The following HS3ST6 variants were observed in gnomAD, a reference collection of about 807,000 sequenced individuals.
The protein encoded by HS3ST6 is heparan sulfate-glucosamine 3-sulfotransferase 6.
Under a neutral mutation model 11.0 loss-of-function variants are expected in HS3ST6, and 13 were observed. The observed-to-expected ratio is 1.18, with a 90% CI of 0.77 to 1.88. The LOEUF (loss-of-function observed/expected upper bound fraction) is 1.88. Ranked by LOEUF, HS3ST6 falls within the 40% of genes most tolerant of loss-of-function variation. HS3ST6 has a pLI of 0.00. For missense variants in HS3ST6, 541 were observed against 494.4 expected, an observed-to-expected ratio of 1.09 and a Z score of -0.89; for synonymous variants, 232 against 230.6, an observed-to-expected ratio of 1.01 and a Z score of -0.06.
In HS3ST6 at chr16:1,912,222, AG is replaced by A. The variant is rs1433744371; in HGVS notation, c.414-18del. ...ATCAGACTCCTGCGGGACGGGTGCA[AG>A]GAGAGGGGGCCTGAGCCTCCCCAGC... On this transcript the variant is annotated intron_variant, in intron 1 of 1. Coordinates refer to ENST00000454677, the MANE Select transcript of HS3ST6 (RefSeq NM_001009606.4). This position sits in a 1 kb window ranked among gnomAD's most constrained non-coding sequence, Gnocchi z 5.6. The A allele has an allele frequency of 1.4e-6, 2 of 1,388,828 alleles. No homozygotes were observed. The highest frequency in any genetic ancestry group is 1.9e-6 in the Non-Finnish European group (2 of 1,070,322). The allele number at this position is 1,388,828 out of a possible 1,614,324, so 86.0% of individuals were successfully genotyped here.
rs1328050359 is a variant in HS3ST6, at chr16:1,912,213, AC to A, written c.414-9del. The A allele has an allele frequency of 1.4e-6, 2 of 1,405,846 alleles. No homozygotes were observed. The highest frequency in any genetic ancestry group is 1.9e-6 in the Non-Finnish European group (2 of 1,078,826). The allele number at this position is 1,405,846 out of a possible 1,614,324, so 87.1% of individuals were successfully genotyped here. On this transcript the variant is annotated splice_polypyrimidine_tract_variant and intron_variant, in intron 1 of 1. Coordinates refer to ENST00000454677, the MANE Select transcript of HS3ST6 (RefSeq NM_001009606.4). The surrounding 1 kb of genome is among the most constrained non-coding windows in gnomAD (Gnocchi z 5.6). ...GTTCGGGGCATCAGACTCCTGCGGG[AC>A]GGGTGCAAGGAGAGGGGGCCTGAGC...
rs565096321 is a variant in HS3ST6, at chr16:1,912,794, T to C, written c.414-589A>G. Among the ~76,000 whole-genome samples, 32 of 152,158 alleles carry C rather than the reference T, an allele frequency of 2.1e-4. No individual in the cohort carries two copies. The highest frequency in any genetic ancestry group is 7.2e-4 in the African/African-American group (30 of 41,498). On this transcript the variant is annotated intron_variant, in intron 1 of 1. Coordinates refer to ENST00000454677, the MANE Select transcript of HS3ST6 (RefSeq NM_001009606.4). This position sits in a 1 kb window ranked among gnomAD's most constrained non-coding sequence, Gnocchi z 5.6. ...CCTGATGTAATTACATCTCTTCCCA[T>C]CTTTATTTATTTTTTGAGACGGAGT...
chr16:1,917,795 T>A (rs557919133), intron 1 of HS3ST6, 116 bp downstream of exon 1: 211 of 766,048 alleles, frequency 2.8e-4, no homozygotes, highest in Middle Eastern at 1.4e-3. Context: ...CCAACCCCAC[T>A]GCCCGGAGCG....
chr16:1,911,492 T>C lies in HS3ST6; in HGVS notation c.*98A>G. The C allele has an allele frequency of 1.5e-6, 2 of 1,368,258 alleles. No individual in the cohort carries two copies. Among genetic ancestry groups the C allele is most frequent in the Non-Finnish European group, 1.9e-6 (2 of 1,038,006 alleles). The allele number at this position is 1,368,258 out of a possible 1,614,324, so 84.8% of individuals were successfully genotyped here. A position where few individuals can be genotyped will look rare whatever the true frequency, so the allele number is the denominator to read the frequency against. ...TGGAAAAATCTGGGTCCAAGCTTTA[T>C]TTCTTAAATATTCCTCTCTGCCCAG... On this transcript the variant is annotated 3_prime_UTR_variant, in exon 2 of 2. Coordinates refer to ENST00000454677, the MANE Select transcript of HS3ST6 (RefSeq NM_001009606.4).
Position 1,911,533 on chromosome 16 carries a change from C to G in HS3ST6, c.*57G>C. The G allele has an allele frequency of 1.4e-6, 2 of 1,480,714 alleles. No individual in the cohort carries two copies. The highest frequency in any genetic ancestry group is 1.8e-6 in the Non-Finnish European group (2 of 1,115,346). 91.7% of individuals were successfully genotyped at this position (1,480,714 alleles called of 1,614,324 possible). A position where few individuals can be genotyped will look rare whatever the true frequency, so the allele number is the denominator to read the frequency against. The stretch of plus-strand genomic sequence containing the variant: ...CTCTGCCCAGCATGTGCACGCAGCC[C>G]GCTCTGGCCAGGCGAGCGGGTGTCA... On this transcript the variant is annotated 3_prime_UTR_variant, in exon 2 of 2. Transcript: ENST00000454677.
At chr16:1,919,837 C>A (rs994603853), upstream of HS3ST6, among the ~76,000 whole-genome samples, 1 of 152,260 alleles carries the variant, frequency 6.6e-6, no homozygotes, top group South Asian at 2.1e-4. Context: ...TCTGGGCAAG[C>A]CTCTGCAGGA....
At chr16:1,920,309 C>T (rs1014091396), upstream of HS3ST6, among the ~76,000 whole-genome samples, 4 of 127,260 alleles carry the variant, frequency 3.1e-5, no homozygotes, top group East Asian at 5.0e-4. Flanking sequence ...GCCATCCCCA[C>T]GGTCTCAGGA....
upstream of HS3ST6, among the ~76,000 whole-genome samples, chr16:1,920,229 C>T (rs1336466368): frequency 4.9e-5 from 4 of 80,818 alleles, no homozygotes; most frequent in Non-Finnish European, 1.0e-4. Context: ...CGGTCTCAGC[C>T]ATCCCCACGG....
chr16:1,916,397 C>T (rs2082927328), intron 1 of HS3ST6, among the ~76,000 whole-genome samples: 1 of 152,020 alleles, frequency 6.6e-6, no homozygotes, highest in African/African-American at 2.4e-5. Context: ...TACCCCCCTC[C>T]AACCCTGGGC....
At chr16:1,916,132 C>A (rs2150845619) in intron 1 of HS3ST6, among the ~76,000 whole-genome samples, 1 of 57,874 alleles carries the variant, frequency 1.7e-5, no homozygotes, top group Middle Eastern at 5.4e-3. Flanking sequence ...GGCACAGGCA[C>A]CTAGGAGCAC....
Position 1,912,222 on chromosome 16 carries a change from A to G in HS3ST6, c.414-17T>C, listed in dbSNP as rs780866239. On this transcript the variant is annotated splice_polypyrimidine_tract_variant and intron_variant, in intron 1 of 1. Coordinates refer to ENST00000454677, the MANE Select transcript of HS3ST6 (RefSeq NM_001009606.4). The surrounding 1 kb of genome is among the most constrained non-coding windows in gnomAD (Gnocchi z 5.6). ...ATCAGACTCCTGCGGGACGGGTGCA[A>G]GGAGAGGGGGCCTGAGCCTCCCCAG... The G allele has an allele frequency of 5.7e-5, 79 of 1,388,946 alleles. No homozygotes were observed. The highest frequency in any genetic ancestry group is 1.8e-4 in the Admixed American group (6 of 33,666). 86.0% of individuals were successfully genotyped at this position (1,388,946 alleles called of 1,614,324 possible).
rs1053047801 is a variant in HS3ST6, at chr16:1,918,181, G to A, written c.143C>T (p.Pro48Leu). The A allele has an allele frequency of 6.2e-5, 68 of 1,092,914 alleles. No individual in the cohort carries two copies. The highest frequency in any genetic ancestry group is 6.7e-5 in the African/African-American group (4 of 59,444). The allele number at this position is 1,092,914 out of a possible 1,614,324, so 67.7% of individuals were successfully genotyped here. A position where few individuals can be genotyped will look rare whatever the true frequency, so the allele number is the denominator to read the frequency against. ...VLGAYCLCALPGRCPPAARAP... is the reference protein window; with the variant it reads ...VLGAYCLCALLGRCPPAARAP... ...GCGGGCGGCCGGCGGGCAGCGGCCG[G>A]GGAGGGCGCAGAGGCAGTAGGCGCC... Residue 48 changes from proline to leucine, a missense_variant, in exon 1 of 2, where the codon CCC becomes CTC. Physicochemically the swap from Pro to Leu is moderately conservative, Grantham distance 98 (BLOSUM62 -3). Transcript: ENST00000454677. The surrounding 1 kb of genome is among the most constrained non-coding windows in gnomAD (Gnocchi z 6.0).
At position 1,918,129 on chromosome 16, in the gene HS3ST6, GGAGGGCGCGGGGGCCGGCGC is replaced by G. The variant is rs1567300040; in HGVS notation, c.175_194del (p.Ala59ArgfsTer57). The G allele has an allele frequency of 8.2e-7, 1 of 1,221,370 alleles. No individual in the cohort carries two copies. The highest frequency in any genetic ancestry group is 1.0e-6 in the Non-Finnish European group (1 of 982,010). The allele number at this position is 1,221,370 out of a possible 1,614,324, so 75.7% of individuals were successfully genotyped here. A position where few individuals can be genotyped will look rare whatever the true frequency, so the allele number is the denominator to read the frequency against. The stretch of plus-strand genomic sequence containing the variant: ...GGCGGTGGACGGAGCTGGACGGCTC[GGAGGGCGCGGGGGCCGGCGC>G]GGGGGCGCGGGCGGCCGGCGGGCAG... On this transcript the variant is annotated frameshift_variant, in exon 1 of 2. Coordinates refer to ENST00000454677, the MANE Select transcript of HS3ST6 (RefSeq NM_001009606.4). LOFTEE classifies it high-confidence loss of function. This position sits in a 1 kb window ranked among gnomAD's most constrained non-coding sequence, Gnocchi z 6.0.
chr16:1,920,425 A>G (rs1195887880), upstream of HS3ST6, among the ~76,000 whole-genome samples: 185 of 109,470 alleles, frequency 1.7e-3, no homozygotes, highest in African/African-American at 4.8e-3. Flanking sequence ...GGTCTCAGCC[A>G]TCCCCACGGT....
At chr16:1,913,740 T>C (rs1190646800) in intron 1 of HS3ST6, among the ~76,000 whole-genome samples, 1 of 152,006 alleles carries the variant, frequency 6.6e-6, no homozygotes, top group Non-Finnish European at 1.5e-5. Flanking sequence ...ACTTGAGCCC[T>C]TGGGAGGCAG....
At position 1,911,811 on chromosome 16, in the gene HS3ST6, T is replaced by A; in HGVS notation, c.808A>T (p.Lys270Ter). The A allele has an allele frequency of 6.2e-7, 1 of 1,613,876 alleles. No individual in the cohort carries two copies. The highest frequency in any genetic ancestry group is 8.5e-7 in the Non-Finnish European group (1 of 1,179,840). Reference protein sequence around the residue: ...VGRVQDFLGLKRVVTDKHFYF... With the variant: ...VGRVQDFLGL ...AAGTGCTTGTCCGTGACGACCCGTT[T>A]CAGGCCCAGGAAGTCCTGCACGCGG... Residue 270 changes from lysine (K) to a stop codon, truncating the protein, a stop_gained, in exon 2 of 2, where the codon AAA (lysine) becomes TAA (stop). Coordinates refer to ENST00000454677, the MANE Select transcript of HS3ST6 (RefSeq NM_001009606.4). LOFTEE classifies it high-confidence loss of function.
chr16:1,913,566 G>A (rs2082906652), intron 1 of HS3ST6, among the ~76,000 whole-genome samples: 1 of 152,172 alleles, frequency 6.6e-6, no homozygotes, highest in South Asian at 2.1e-4. Context: ...GGAGGGCTGG[G>A]AACTAGGTCG....
At chr16:1,913,747 G>A (rs574808417) in intron 1 of HS3ST6, among the ~76,000 whole-genome samples, 1 of 152,312 alleles carries the variant, frequency 6.6e-6, no homozygotes, top group South Asian at 2.1e-4. Flanking sequence ...CCCTTGGGAG[G>A]CAGGTTCTGA....
chr16:1,920,577 C>T (rs1002095672), upstream of HS3ST6, among the ~76,000 whole-genome samples: 2 of 152,218 alleles, frequency 1.3e-5, no homozygotes, highest in African/African-American at 4.8e-5. Flanking sequence ...CTGGCCTTTC[C>T]GCTGCCGTCT....
Sources: gnomAD v4.1 joint callset for allele counts (sites outside exome capture counted in the v4.1 genomes callset) on GRCh38, gnomAD v4.1.1 for gene constraint, Gnocchi (gnomAD v3.1) non-coding constraint, MANE v1.5 for transcripts, NCBI Gene and HGNC (gene_info 2026-07-23, HGNC 2026-07-21) for gene names.